TM4SF18: variants seen among roughly 807,000 people sequenced by gnomAD.
TM4SF18 encodes the protein transmembrane 4 L6 family member 18.
Under a neutral mutation model 23.8 loss-of-function variants are expected in TM4SF18, and 22 were observed. The observed-to-expected ratio is 0.92, with a 90% confidence interval of 0.66 to 1.32. The LOEUF is 1.32. Among genes scored for constraint, TM4SF18 ranks in the 40% most tolerant of loss-of-function variants. The pLI is 0.00. For synonymous variants in TM4SF18, 87 were observed against 87.9 expected (o/e 0.99, Z 0.06); for missense variants, 255 against 240.3 (o/e 1.06, Z -0.41).
intron 2 of TM4SF18, among the ~76,000 whole-genome samples, chr3:149,332,462 C>T (rs1456276353): frequency 6.6e-6 from 1 of 152,112 alleles, no homozygotes; most frequent in Non-Finnish European, 1.5e-5. Context: ...TTAAAGAACA[C>T]AAAGTCATCA....
chr3:149,327,793 G>C (rs570665100), intron 3 of TM4SF18, among the ~76,000 whole-genome samples: 9 of 152,222 alleles, frequency 5.9e-5, no homozygotes, highest in Non-Finnish European at 2.9e-5. Flanking sequence ...GGGAAGATCA[G>C]TGAAGAATTT....
intron 4 of TM4SF18, 69 bp downstream of exon 4, chr3:149,324,811 G>A (rs1456370713): frequency 6.3e-6 from 10 of 1,593,330 alleles, no homozygotes; most frequent in African/African-American, 1.3e-5. Flanking sequence ...GAAAATGAGC[G>A]TGAGCTTGAG....
intron 4 of TM4SF18, among the ~76,000 whole-genome samples, chr3:149,323,299 G>C (rs1730857809): frequency 6.6e-6 from 1 of 152,174 alleles, no homozygotes. Context: ...AACCTGTAAA[G>C]TACAATACAG....
At position 149,324,934 on chromosome 3, in the gene TM4SF18, G is replaced by A. The variant is rs554987306; in HGVS notation, c.356C>T (p.Pro119Leu). The change falls in exon 4 of 6, where the codon CCA becomes CTA. Residue 119 changes from proline (P) to leucine (L), a missense_variant. Coordinates refer to ENST00000296059, the MANE Select transcript of TM4SF18 (RefSeq NM_138786.4). ...CCAGCCATCAAGGGTGCGGCAATAT[G>A]GCCCTTGGACAAGACCCAAGGCAGA... ...VISALGLVQG[P>L]YCRTLDGWEY... The A allele has an allele frequency of 1.2e-6, 2 of 1,614,120 alleles. No homozygotes were observed. The highest frequency in any genetic ancestry group is 2.2e-5 in the East Asian group (1 of 44,890).
Position 149,322,454 on chromosome 3 carries a change from C to A in TM4SF18, c.411-18G>T. ...TAAGGAAACTGAGAGAGACCCATGG[C>A]CAAATCTACATACTGGGTCCAAGGA... On this transcript the variant is annotated intron_variant, in intron 4 of 5. Coordinates refer to ENST00000296059, the MANE Select transcript of TM4SF18 (RefSeq NM_138786.4). 2 of 1,604,838 alleles carry A rather than the reference C, an allele frequency of 1.2e-6. No individual in the cohort carries two copies. The highest frequency in any genetic ancestry group is 1.7e-6 in the Non-Finnish European group (2 of 1,175,386).
chr3:149,329,507 C>A (rs565513355), intron 3 of TM4SF18, among the ~76,000 whole-genome samples: 1 of 152,158 alleles, frequency 6.6e-6, no homozygotes, highest in Non-Finnish European at 1.5e-5. Context: ...TAAAACTCCT[C>A]CTAGCTAATA....
At chr3:149,331,368 C>G (rs1731083801) in intron 2 of TM4SF18, among the ~76,000 whole-genome samples, 1 of 152,164 alleles carries the variant, frequency 6.6e-6, no homozygotes, top group East Asian at 1.9e-4. Flanking sequence ...AAATAGAGAA[C>G]AGGTTTCTTT....
intron 2 of TM4SF18, among the ~76,000 whole-genome samples, chr3:149,331,761 G>A (rs1233085568): frequency 6.6e-6 from 1 of 152,076 alleles, no homozygotes; most frequent in Non-Finnish European, 1.5e-5. Context: ...TTTATTTCTG[G>A]TGTTTTCCCA....
At chr3:149,328,569 T>A (rs1006702483) in intron 3 of TM4SF18, among the ~76,000 whole-genome samples, 2 of 152,222 alleles carry the variant, frequency 1.3e-5, no homozygotes, top group African/African-American at 4.8e-5. Flanking sequence ...TTGGTTTAAA[T>A]GAAGATTAAT....
At chr3:149,322,150 TG>T (rs914451920) in intron 5 of TM4SF18, 105 bp downstream of exon 5, 2 of 981,404 alleles carry the variant, frequency 2.0e-6, no homozygotes, top group African/African-American at 1.6e-5. Context: ...GCAATAGAAA[TG>T]GGGGGAAAGT....
intron 4 of TM4SF18, among the ~76,000 whole-genome samples, chr3:149,324,599 T>C (rs559248769): frequency 1.1e-3 from 160 of 152,270 alleles, no homozygotes; most frequent in Non-Finnish European, 1.5e-3. Flanking sequence ...CCACACAACT[T>C]TAATCTGAGG....
At position 149,321,351 on chromosome 3, in the gene TM4SF18, AT is replaced by A; in HGVS notation, c.*126del. 1 of 702,840 alleles carries A rather than the reference AT, an allele frequency of 1.4e-6. No individual in the cohort carries two copies. Among genetic ancestry groups the A allele is most frequent in the Non-Finnish European group, 2.3e-6 (1 of 442,526 alleles). 43.5% of individuals were successfully genotyped at this position (702,840 alleles called of 1,614,324 possible). A position where few individuals can be genotyped will look rare whatever the true frequency, so the allele number is the denominator to read the frequency against. On this transcript the variant is annotated 3_prime_UTR_variant, in exon 6 of 6. Transcript: ENST00000296059. ...CTTGCATGTGCAGTGAGGACTGCAA[AT>A]TTTTTACAAATAAACACCAAATGCA... is the stretch of plus-strand genomic sequence containing the variant.
chr3:149,323,368 C>T (rs1366003206), intron 4 of TM4SF18, among the ~76,000 whole-genome samples: 2 of 152,190 alleles, frequency 1.3e-5, no homozygotes, highest in African/African-American at 4.8e-5. Flanking sequence ...ACCCCTATCT[C>T]CATCTCAGCT....
rs1411121623 is a variant in TM4SF18 at position 149,330,403 on chromosome 3, G to A, written c.194C>T (p.Thr65Ile). 6.2e-7 allele frequency: 1 copy of A among 1,603,980 alleles called. No homozygotes were observed. Residue 65 changes from threonine (T) to isoleucine (I), a missense_variant, in exon 3 of 6, where the codon ACA becomes ATA. Transcript: ENST00000296059. The stretch of plus-strand genomic sequence containing the variant: ...ATTATTCTCCAGTACCAGAAGAACT[G>A]TTGTTACTATAAGCATCTATAGGAG... The part of the protein sequence containing the change: ...FSGIMMLIVT[T>I]VLLVLENNNN...
chr3:149,328,762 T>C (rs1324871650), intron 3 of TM4SF18, among the ~76,000 whole-genome samples: 1 of 152,212 alleles, frequency 6.6e-6, no homozygotes, highest in Non-Finnish European at 1.5e-5. Context: ...AATTCATTTA[T>C]GTCACACACG....
At position 149,322,905 on chromosome 3, in the gene TM4SF18, C is replaced by CTTTTTTTTTTTTTTTTTTTTTTTTTTTTT. The variant is rs34338382; in HGVS notation, c.411-470_411-469insAAAAAAAAAAAAAAAAAAAAAAAAAAAAA. Among the ~76,000 whole-genome samples, 58 of 128,778 alleles carry CTTTTTTTTTTTTTTTTTTTTTTTTTTTTT rather than the reference C, an allele frequency of 4.5e-4. 3 individuals are homozygous for CTTTTTTTTTTTTTTTTTTTTTTTTTTTTT. The highest frequency in any genetic ancestry group is 4.2e-3 in the Middle Eastern group (1 of 236). The allele number at this position is 128,778 out of a possible 152,430, so 84.5% of individuals were successfully genotyped here. A position where few individuals can be genotyped will look rare whatever the true frequency, so the allele number is the denominator to read the frequency against. ...GAACTTTACCCCTCTGGCCTCCAGA[C>CTTTTTTTTTTTTTTTTTTTTTTTTTTTTT]TTTTTTTTTTTTTTTTGAGACGGAG... On this transcript the variant is annotated intron_variant, in intron 4 of 5. Transcript: ENST00000296059.
intron 2 of TM4SF18, among the ~76,000 whole-genome samples, chr3:149,330,788 G>A (rs1731070957): frequency 6.6e-6 from 1 of 152,156 alleles, no homozygotes. Flanking sequence ...ACTCAGTTGT[G>A]GAGAACCAAG....
At chr3:149,322,883 C>A (rs1444511241) in intron 4 of TM4SF18, among the ~76,000 whole-genome samples, 3 of 144,776 alleles carry the variant, frequency 2.1e-5, no homozygotes, top group Non-Finnish European at 4.6e-5. Context: ...GAGCAAAGAA[C>A]TTTACCCCTC....
At chr3:149,325,636 G>A (rs1322276251) in intron 3 of TM4SF18, among the ~76,000 whole-genome samples, 1 of 152,166 alleles carries the variant, frequency 6.6e-6, no homozygotes, top group African/African-American at 2.4e-5. Flanking sequence ...TCAGATGAGT[G>A]AGGAGAAAGG....
Sources: allele counts gnomAD v4.1 joint callset (sites outside exome capture counted in the v4.1 genomes callset), GRCh38; gene constraint gnomAD v4.1.1; transcripts MANE v1.5; gene names NCBI Gene and HGNC (gene_info 2026-07-23, HGNC 2026-07-21).